GABRG3: variants seen among roughly 807,000 people sequenced by gnomAD.
GABRG3 encodes the protein gamma-aminobutyric acid receptor subunit gamma-3.
Under a neutral mutation model 48.8 loss-of-function variants are expected in GABRG3, and 25 were observed. The ratio of observed to expected loss-of-function variants is 0.51; its 90% CI spans 0.37 to 0.72. The LOEUF is 0.72. Ranked by LOEUF, GABRG3 falls within the 30% of genes least tolerant of loss-of-function variation. The pLI, the probability that GABRG3 is intolerant of heterozygous loss-of-function variation, is 0.00. For missense variants in GABRG3, 394 were observed against 577.9 expected (o/e 0.68, Z 3.26); for synonymous variants, 227 against 217.6 (o/e 1.04, Z -0.38).
intron 3 of GABRG3, among the ~76,000 whole-genome samples, chr15:27,294,311 G>T (rs28453299): frequency 1.3e-5 from 2 of 150,846 alleles, no homozygotes; most frequent in Admixed American, 6.6e-5. Flanking sequence ...CTGCCTCCTG[G>T]GCTCAAGCAA....
intron 3 of GABRG3, among the ~76,000 whole-genome samples, chr15:27,280,822 A>G (rs1310961570): frequency 6.6e-6 from 1 of 152,188 alleles, no homozygotes; most frequent in Non-Finnish European, 1.5e-5. Context: ...AAATTCTACA[A>G]ATGCCAATTT....
At chr15:27,528,706 CAA>C (rs10531874) in intron 9 of GABRG3, among the ~76,000 whole-genome samples, 81,812 of 151,806 alleles carry the variant, frequency 0.54, 22,264 homozygotes, top group East Asian at 0.69. Context: ...TGACTATTGA[CAA>C]TATTGTCACT....
chr15:27,206,812 C>G (rs1376606093), intron 3 of GABRG3, among the ~76,000 whole-genome samples: 1 of 152,084 alleles, frequency 6.6e-6, no homozygotes, highest in African/African-American at 2.4e-5. Context: ...TAATATCCTT[C>G]TGTGTCCTTT....
chr15:27,402,073 T>G (rs1184964260), intron 5 of GABRG3, among the ~76,000 whole-genome samples: 1 of 152,200 alleles, frequency 6.6e-6, no homozygotes, highest in Non-Finnish European at 1.5e-5. Context: ...AGGGCAATGC[T>G]TCATAGAGAA....
chr15:27,103,718 C>T (rs1416377543), intron 3 of GABRG3, among the ~76,000 whole-genome samples: 3 of 152,156 alleles, frequency 2.0e-5, no homozygotes, highest in Non-Finnish European at 4.4e-5. Context: ...CTTGTTCTCT[C>T]TCAAGGAATG....
chr15:27,247,950 G>A (rs1166526657), intron 3 of GABRG3, among the ~76,000 whole-genome samples: 3 of 152,286 alleles, frequency 2.0e-5, no homozygotes, highest in Middle Eastern at 3.4e-3. Flanking sequence ...GATTTGGGTG[G>A]GGACACAGAG....
chr15:27,025,788 G>A (rs1265206459), intron 2 of GABRG3, among the ~76,000 whole-genome samples: 1 of 152,202 alleles, frequency 6.6e-6, no homozygotes, highest in African/African-American at 2.4e-5. Context: ...CTACACTCTT[G>A]TTTCTATAGA....
intron 5 of GABRG3, among the ~76,000 whole-genome samples, chr15:27,426,823 C>T (rs112639799): frequency 0.013 from 2,026 of 152,104 alleles, 34 homozygotes; most frequent in African/African-American, 0.047. Flanking sequence ...ACTCTGTCTC[C>T]AAAAGAAATT....
chr15:27,165,359 A>G (rs1887339012), intron 3 of GABRG3, among the ~76,000 whole-genome samples: 2 of 152,200 alleles, frequency 1.3e-5, no homozygotes, highest in Admixed American at 1.3e-4. Context: ...AATGACCTCC[A>G]TGACAAAGCC....
intron 3 of GABRG3, among the ~76,000 whole-genome samples, chr15:27,270,341 T>G (rs1482996900): frequency 1.3e-5 from 2 of 152,178 alleles, no homozygotes; most frequent in Non-Finnish European, 2.9e-5. Flanking sequence ...ACGTTGGTGT[T>G]GGTGTGGAGC....
At chr15:27,438,814 G>A (rs375297105) in intron 5 of GABRG3, among the ~76,000 whole-genome samples, 117 of 152,246 alleles carry the variant, frequency 7.7e-4, no homozygotes, top group Middle Eastern at 3.4e-3. Context: ...CAAGTGGACC[G>A]TGACACCCAG....
At chr15:27,247,286 C>A (rs1475201046) in intron 3 of GABRG3, among the ~76,000 whole-genome samples, 1 of 152,010 alleles carries the variant, frequency 6.6e-6, no homozygotes, top group African/African-American at 2.4e-5. Flanking sequence ...CCTTGTGAGT[C>A]CTTGCCCCTC....
intron 3 of GABRG3, among the ~76,000 whole-genome samples, chr15:27,153,968 G>A (rs1012043981): frequency 6.6e-6 from 1 of 152,184 alleles, no homozygotes; most frequent in Non-Finnish European, 1.5e-5. Context: ...TGATACATCA[G>A]TAACAGGAAG....
At chr15:27,009,069 A>C (rs1246132446) in intron 2 of GABRG3, among the ~76,000 whole-genome samples, 1 of 151,934 alleles carries the variant, frequency 6.6e-6, no homozygotes, top group Non-Finnish European at 1.5e-5. Flanking sequence ...CTGAGCTCAG[A>C]CTCTGCTCAC....
At chr15:27,086,116 G>GTT (rs5811477) in intron 3 of GABRG3, among the ~76,000 whole-genome samples, 41 of 139,490 alleles carry the variant, frequency 2.9e-4, no homozygotes, top group Non-Finnish European at 4.3e-4. Flanking sequence ...AGTTTTGGCA[G>GTT]TTTTTTTTTT....
At chr15:27,499,383 C>T (rs1203586615) in intron 6 of GABRG3, among the ~76,000 whole-genome samples, 7 of 152,138 alleles carry the variant, frequency 4.6e-5, no homozygotes, top group Non-Finnish European at 1.0e-4. Context: ...GAAACAATAG[C>T]GCCACATAGC....
rs1261528861 is a variant in GABRG3, at chr15:27,118,755, C to T, written c.270+91934C>T. Among the ~76,000 whole-genome samples the T allele has an allele frequency of 3.3e-5, 5 of 152,172 alleles. No homozygotes were observed. In the South Asian group the frequency reaches 8.3e-4, roughly 25 times the overall value. ...CCATACCCTTCATGCTATATTTACC[C>T]TTCATGTATTATTAGGACTTTCTGG... On this transcript the variant is annotated intron_variant, in intron 3 of 9. Transcript: ENST00000615808.
chr15:27,115,979 A>G (rs1010586140), intron 3 of GABRG3, among the ~76,000 whole-genome samples: 1 of 152,186 alleles, frequency 6.6e-6, no homozygotes, highest in Non-Finnish European at 1.5e-5. Context: ...CAGATTTAAC[A>G]AGGAAAAGTG....
In GABRG3 at chr15:27,539,975, C is replaced by T. The variant is rs568778367; in HGVS notation, c.*7094C>T. 6.6e-6 allele frequency: 1 copy of T among 152,316 alleles called. No individual in the cohort carries two copies. Among genetic ancestry groups the T allele is most frequent in the African/African-American group, 2.4e-5 (1 of 41,562 alleles). The allele number at this position is 152,316 out of a possible 1,614,324, so 9.4% of individuals were successfully genotyped here. A position where few individuals can be genotyped will look rare whatever the true frequency, so the allele number is the denominator to read the frequency against. On this transcript the variant is annotated 3_prime_UTR_variant, in exon 10 of 10. Coordinates refer to ENST00000615808, the MANE Select transcript of GABRG3 (RefSeq NM_033223.5). The stretch of plus-strand genomic sequence containing the variant: ...CATCTACATCATAACCATCATCACC[C>T]TCATTGTCCTCTTCCATGTTTCTAC...
Sources: allele counts gnomAD v4.1 joint callset (sites outside exome capture counted in the v4.1 genomes callset), GRCh38; gene constraint gnomAD v4.1.1; transcripts MANE v1.5; gene names NCBI Gene and HGNC (gene_info 2026-07-23, HGNC 2026-07-21).